CNTNAP2: variants seen among roughly 807,000 people sequenced by gnomAD.
The protein encoded by CNTNAP2 is contactin-associated protein-like 2.
Under a neutral mutation model 155.2 loss-of-function variants are expected in CNTNAP2, and 98 were observed. The observed-to-expected ratio is 0.63, with a 90% confidence interval of 0.54 to 0.75. The LOEUF is 0.75. Among genes scored for constraint, CNTNAP2 ranks in the 30% least tolerant of loss-of-function variants. The pLI is 0.00. For missense variants in CNTNAP2, 1,727 were observed against 1,688.1 expected (o/e 1.02, Z -0.40); for synonymous variants, 651 against 631.2 (o/e 1.03, Z -0.47).
At chr7:146,266,314 G>T (rs1799993208) in intron 1 of CNTNAP2, among the ~76,000 whole-genome samples, 2 of 152,074 alleles carry the variant, frequency 1.3e-5, no homozygotes, top group Admixed American at 1.3e-4. Context: ...GCCTTCCATT[G>T]TTGCTTCTGG....
chr7:148,282,224 T>C (rs10952747), intron 21 of CNTNAP2, among the ~76,000 whole-genome samples: 55,108 of 152,092 alleles, frequency 0.36, 10,925 homozygotes, highest in East Asian at 0.6. Context: ...TAATACATCA[T>C]AACCTGCAAA....
chr7:147,459,990 CAG>C (rs1294282414), intron 10 of CNTNAP2, among the ~76,000 whole-genome samples: 3 of 151,946 alleles, frequency 2.0e-5, no homozygotes, highest in African/African-American at 7.3e-5. Flanking sequence ...CAGGGCCTGT[CAG>C]GGGATGGTGG....
intron 13 of CNTNAP2, among the ~76,000 whole-genome samples, chr7:147,695,834 A>C (rs1346457924): frequency 6.6e-6 from 1 of 152,138 alleles, no homozygotes; most frequent in Admixed American, 6.6e-5. Flanking sequence ...ATTTTTAAAA[A>C]GTATATTTAC....
chr7:147,658,828 C>G (rs1795570464), intron 13 of CNTNAP2, among the ~76,000 whole-genome samples: 1 of 152,146 alleles, frequency 6.6e-6, no homozygotes, highest in African/African-American at 2.4e-5. Flanking sequence ...TTCTATAGTT[C>G]TGTTAATGTA....
intron 18 of CNTNAP2, among the ~76,000 whole-genome samples, chr7:148,209,083 GCTT>G (rs1437284184): frequency 1.3e-5 from 2 of 152,000 alleles, no homozygotes; most frequent in Non-Finnish European, 2.9e-5. Flanking sequence ...TGACTTCTAT[GCTT>G]CCCTGACACA....
At chr7:146,983,944 C>T (rs975728359) in intron 3 of CNTNAP2, among the ~76,000 whole-genome samples, 9 of 152,168 alleles carry the variant, frequency 5.9e-5, no homozygotes, top group African/African-American at 2.2e-4. Flanking sequence ...CTTTAATATT[C>T]ATTGTGTTTT....
At chr7:147,539,580 C>A (rs1245361619) in intron 11 of CNTNAP2, among the ~76,000 whole-genome samples, 4 of 152,136 alleles carry the variant, frequency 2.6e-5, no homozygotes. Context: ...TGTGTTTTTA[C>A]CCCATCATCA....
At chr7:147,196,821 G>A (rs1802810672) in intron 8 of CNTNAP2, among the ~76,000 whole-genome samples, 1 of 152,092 alleles carries the variant, frequency 6.6e-6, no homozygotes, top group African/African-American at 2.4e-5. Flanking sequence ...GTGTGCAGGC[G>A]AGTGCAATGG....
intron 12 of CNTNAP2, among the ~76,000 whole-genome samples, chr7:147,568,010 C>T (rs12534209): frequency 0.16 from 24,455 of 152,018 alleles, 2,165 homozygotes; most frequent in East Asian, 0.36. Context: ...CACTTGAACC[C>T]GGGGGGCAGA....
chr7:147,755,362 G>A (rs2049467), intron 13 of CNTNAP2, among the ~76,000 whole-genome samples: 39,645 of 152,120 alleles, frequency 0.26, 5,653 homozygotes, highest in Non-Finnish European at 0.32. Context: ...AGATCCACCA[G>A]CGTTAATAGC....
At position 147,271,785 on chromosome 7, in the gene CNTNAP2, A is replaced by G. The variant is rs533430572; in HGVS notation, c.1349-28356A>G. Among the ~76,000 whole-genome samples, 30 of 152,290 alleles carry G rather than the reference A, an allele frequency of 2.0e-4. No individual in the cohort carries two copies. In the East Asian group the frequency reaches 4.4e-3, roughly 23 times the overall value. On this transcript the variant is annotated intron_variant, in intron 8 of 23. Transcript: ENST00000361727. ...AGCGATCTCCTACCGGGTGCCTCCTATAACACTTGGAATTTTGGGAGCTAC... is the reference window on the plus strand; with the variant it reads ...AGCGATCTCCTACCGGGTGCCTCCTGTAACACTTGGAATTTTGGGAGCTAC...
intron 20 of CNTNAP2, among the ~76,000 whole-genome samples, chr7:148,245,047 A>C (rs56109900): frequency 6.6e-6 from 1 of 152,326 alleles, no homozygotes; most frequent in African/African-American, 2.4e-5. Flanking sequence ...TATATTTACT[A>C]GTATTTTTTA....
intron 8 of CNTNAP2, among the ~76,000 whole-genome samples, chr7:147,214,383 T>G (rs1396716460): frequency 2.0e-5 from 3 of 152,146 alleles, no homozygotes; most frequent in Non-Finnish European, 2.9e-5. Context: ...GCTAAGTTAT[T>G]TAACCTCTCT....
At chr7:147,498,921 A>G (rs1220044149) in intron 11 of CNTNAP2, among the ~76,000 whole-genome samples, 1 of 151,714 alleles carries the variant, frequency 6.6e-6, no homozygotes, top group African/African-American at 2.4e-5. Flanking sequence ...TTGACACTTG[A>G]TTAACATCAG....
intron 3 of CNTNAP2, among the ~76,000 whole-genome samples, chr7:146,903,993 T>C (rs1796062652): frequency 6.6e-6 from 1 of 152,224 alleles, no homozygotes; most frequent in Non-Finnish European, 1.5e-5. Flanking sequence ...AATTATTATA[T>C]GTCAATTTAA....
intron 1 of CNTNAP2, among the ~76,000 whole-genome samples, chr7:146,359,885 T>C (rs995147577): frequency 6.6e-6 from 1 of 152,180 alleles, no homozygotes; most frequent in Admixed American, 6.5e-5. Flanking sequence ...ATAAATTCAG[T>C]GACTTTAATA....
chr7:147,520,833 A>C (rs1163702671), intron 11 of CNTNAP2, among the ~76,000 whole-genome samples: 1 of 152,164 alleles, frequency 6.6e-6, no homozygotes. Flanking sequence ...TTATAGTCTC[A>C]GAAGGCCCAT....
At chr7:147,738,895 T>A (rs1303724928) in intron 13 of CNTNAP2, among the ~76,000 whole-genome samples, 1 of 152,114 alleles carries the variant, frequency 6.6e-6, no homozygotes, top group African/African-American at 2.4e-5. Flanking sequence ...CCTCAACTGG[T>A]CCATCTGCCT....
At chr7:146,832,080 C>G (rs933642009) in intron 2 of CNTNAP2, among the ~76,000 whole-genome samples, 1 of 152,132 alleles carries the variant, frequency 6.6e-6, no homozygotes, top group African/African-American at 2.4e-5. Context: ...TTGGTTGAAG[C>G]CTGTTTATCC....
Sources: gnomAD v4.1 joint callset for allele counts (sites outside exome capture counted in the v4.1 genomes callset) on GRCh38, gnomAD v4.1.1 for gene constraint, MANE v1.5 for transcripts, NCBI Gene and HGNC (gene_info 2026-07-23, HGNC 2026-07-21) for gene names.